Variants in BAZ1A observed in about 807,000 individuals in gnomAD.
BAZ1A encodes bromodomain adjacent to zinc finger domain protein 1A.
Under a neutral mutation model 185.2 loss-of-function variants are expected in BAZ1A, and 50 were observed. That is an observed-to-expected ratio of 0.27 (90% CI 0.22 to 0.34). The LOEUF (loss-of-function observed/expected upper bound fraction) is 0.34, where lower values mean the gene tolerates loss of function less well. Ranked by LOEUF, BAZ1A falls within the 10% of genes least tolerant of loss-of-function variation. The pLI is 1.00. For missense variants in BAZ1A, 1,356 were observed against 1,839.9 expected, an observed-to-expected ratio of 0.74 and a Z score of 4.81; for synonymous variants, 571 against 615.6, an observed-to-expected ratio of 0.93 and a Z score of 1.07.
chr14:34,783,563 T>C (rs1438357277), intron 15 of BAZ1A, among the ~76,000 whole-genome samples, 199 bp downstream of exon 15: 2 of 152,120 alleles, frequency 1.3e-5, no homozygotes, highest in Non-Finnish European at 2.9e-5. Context: ...CTCGAACTCC[T>C]GACCTCAAGT....
intron 2 of BAZ1A, among the ~76,000 whole-genome samples, chr14:34,869,233 A>G (rs936665479): frequency 6.6e-6 from 1 of 152,098 alleles, no homozygotes; most frequent in African/African-American, 2.4e-5. Context: ...TAAATAACAT[A>G]ACATAACATA....
intron 12 of BAZ1A, among the ~76,000 whole-genome samples, chr14:34,789,774 C>T (rs1402906028): frequency 6.6e-6 from 1 of 152,168 alleles, no homozygotes; most frequent in Non-Finnish European, 1.5e-5. Flanking sequence ...GAAATTAGAT[C>T]TTCTCAAAGA....
intron 12 of BAZ1A, among the ~76,000 whole-genome samples, chr14:34,791,926 A>C (rs1880870578): frequency 6.6e-6 from 1 of 152,216 alleles, no homozygotes; most frequent in Non-Finnish European, 1.5e-5. Flanking sequence ...CTACATTAAC[A>C]CGTACCATAC....
rs116141924 is a variant in BAZ1A at position 34,774,360 on chromosome 14, A to G, written c.2964T>C (p.Asp988=). Residue 988 remains aspartate, a synonymous_variant, in exon 19 of 27, where the codon GAT becomes GAC. Coordinates refer to ENST00000360310, the MANE Select transcript of BAZ1A (RefSeq NM_013448.3). ...CTCCTAATGTTCCTTGGTAGATTCTATCTTCAATATCTAAAAGAAAATCTC... is the reference window on the plus strand; with the variant it reads ...CTCCTAATGTTCCTTGGTAGATTCTGTCTTCAATATCTAAAAGAAAATCTC... ...RLRDFLLDIE[D]RIYQGTLGAI... 1.9e-5 allele frequency: 31 copies of G among 1,613,324 alleles called. No individual in the cohort carries two copies. The African/African-American group carries it at 2.9e-4, about 15-fold the overall frequency.
intron 3 of BAZ1A, among the ~76,000 whole-genome samples, chr14:34,837,249 CT>C (rs956528567): frequency 5.0e-4 from 75 of 151,098 alleles, no homozygotes; most frequent in Non-Finnish European, 8.0e-4. Context: ...TAATAAGTCT[CT>C]TTTTTTCTTT....
At chr14:34,811,073 A>T (rs1184036288) in intron 4 of BAZ1A, 37 bp from the exon 5 acceptor site, 1 of 1,359,218 alleles carries the variant, frequency 7.4e-7, no homozygotes, top group East Asian at 2.3e-5. Flanking sequence ...ATCAGTTAAT[A>T]ATTTGGAAAA....
In BAZ1A at chr14:34,771,500, CAG is replaced by C. The variant is rs762826158; in HGVS notation, c.3301+9_3301+10del. ...CACAACTAATATTTTGAAATAAAAA[CAG>C]ATACTTACCAAGTGGAGCTTTCAGA... On this transcript the variant is annotated intron_variant, in intron 21 of 26. Transcript: ENST00000360310. 5.0e-6 allele frequency: 8 copies of C among 1,598,914 alleles called. No individual in the cohort carries two copies. The highest frequency in any genetic ancestry group is 6.8e-6 in the Non-Finnish European group (8 of 1,175,330).
At chr14:34,773,874 G>A (rs932618832) in intron 19 of BAZ1A, 148 bp from the exon 20 acceptor site, 3 of 800,288 alleles carry the variant, frequency 3.7e-6, no homozygotes, top group African/African-American at 3.5e-5. Flanking sequence ...AGGTTACTAA[G>A]TGGCCAAACT....
intron 4 of BAZ1A, among the ~76,000 whole-genome samples, chr14:34,811,471 T>A (rs1224292808): frequency 1.3e-5 from 2 of 152,206 alleles, no homozygotes; most frequent in East Asian, 1.9e-4. Flanking sequence ...ATTTTATTTT[T>A]TTTTTAAGAG....
rs937399420 is a variant in BAZ1A at position 34,774,757 on chromosome 14, C to T, written c.2834-267G>A. 5.0e-4 allele frequency among the ~76,000 whole-genome samples: 76 copies of T among 152,128 alleles called. 1 individual carries two copies. Among genetic ancestry groups the T allele is most frequent in the Non-Finnish European group, 1.3e-4 (9 of 68,020 alleles). On this transcript the variant is annotated intron_variant, in intron 18 of 26. Coordinates refer to ENST00000360310, the MANE Select transcript of BAZ1A (RefSeq NM_013448.3). ...TGCCACTGCAATCCAGCCTGGGCAACAGAGCGAGACCCTGTCTCTAAATAA... is the reference window on the plus strand; with the variant it reads ...TGCCACTGCAATCCAGCCTGGGCAATAGAGCGAGACCCTGTCTCTAAATAA...
At chr14:34,789,772 A>G (rs1047501448) in intron 12 of BAZ1A, among the ~76,000 whole-genome samples, 3 of 152,232 alleles carry the variant, frequency 2.0e-5, no homozygotes, top group South Asian at 2.1e-4. Context: ...AAGAAATTAG[A>G]TCTTCTCAAA....
chr14:34,845,623 G>C (rs1470290241), intron 3 of BAZ1A, among the ~76,000 whole-genome samples: 1 of 152,112 alleles, frequency 6.6e-6, no homozygotes, highest in African/African-American at 2.4e-5. Flanking sequence ...CACTTTGGGA[G>C]GCCGAGGTGG....
At chr14:34,781,348 T>G (rs1317790371) in intron 16 of BAZ1A, among the ~76,000 whole-genome samples, 16 of 152,220 alleles carry the variant, frequency 1.1e-4, no homozygotes, top group Admixed American at 1.0e-3. Flanking sequence ...TCATTACCAC[T>G]GTCAATTCCA....
At chr14:34,804,954 C>A (rs1488642351) in intron 6 of BAZ1A, among the ~76,000 whole-genome samples, 2 of 152,164 alleles carry the variant, frequency 1.3e-5, no homozygotes, top group African/African-American at 4.8e-5. Context: ...TGTCCTCATC[C>A]AGATCTCATG....
In BAZ1A at chr14:34,776,388, C is replaced by T. The variant is rs1236567396; in HGVS notation, c.2364G>A (p.Glu788=). The T allele has an allele frequency of 6.2e-7, 1 of 1,614,028 alleles. No individual in the cohort carries two copies. Among genetic ancestry groups the T allele is most frequent in the Admixed American group, 1.7e-5 (1 of 60,018 alleles). The change falls in exon 18 of 27, where the codon GAG becomes GAA. Residue 788 remains glutamate (E), a synonymous_variant. Coordinates refer to ENST00000360310, the MANE Select transcript of BAZ1A (RefSeq NM_013448.3). ...TGGCACTTTGGATTTTTTCTAAGAGCTCTTTCTCTTTTCGTTGGTGTTCCT... is the reference window on the plus strand; with the variant it reads ...TGGCACTTTGGATTTTTTCTAAGAGTTCTTTCTCTTTTCGTTGGTGTTCCT... ...LKQEHQRKEK[E]LLEKIQSAIA... is the part of the protein sequence containing the mutation.
At chr14:34,759,171 G>GTTTTGTTTTTTTTTTTTTT (rs1555336946) in intron 24 of BAZ1A, among the ~76,000 whole-genome samples, 1 of 66,468 alleles carries the variant, frequency 1.5e-5, no homozygotes, top group African/African-American at 6.4e-5. Flanking sequence ...TACAGCTACA[G>GTTTTGTTTTTTTTTTTTTT]TTTTTTTTTT....
At chr14:34,759,184 T>TTTTTTTTTGTTG (rs1886409806) in intron 24 of BAZ1A, among the ~76,000 whole-genome samples, 8 of 108,108 alleles carry the variant, frequency 7.4e-5, no homozygotes, top group African/African-American at 2.7e-4. Flanking sequence ...TTTTTTTTTT[T>TTTTTTTTTGTTG]TTTTTTTTTT....
At chr14:34,802,014 G>GA (rs573137247) in intron 7 of BAZ1A, among the ~76,000 whole-genome samples, 149 of 151,902 alleles carry the variant, frequency 9.8e-4, no homozygotes, top group Non-Finnish European at 1.4e-3. Context: ...AATATCTCAG[G>GA]AAAAACTGGT....
chr14:34,859,332 G>A (rs2042732128), intron 3 of BAZ1A, among the ~76,000 whole-genome samples: 1 of 151,802 alleles, frequency 6.6e-6, no homozygotes, highest in Non-Finnish European at 1.5e-5. Flanking sequence ...TACTCAGGAG[G>A]CTGAGGCGGG....
Sources: gnomAD v4.1 joint callset for allele counts (sites outside exome capture counted in the v4.1 genomes callset) on GRCh38, gnomAD v4.1.1 for gene constraint, MANE v1.5 for transcripts, NCBI Gene and HGNC (gene_info 2026-07-23, HGNC 2026-07-21) for gene names.